SLC23A3: variants seen among roughly 807,000 people sequenced by gnomAD.
SLC23A3 encodes E2-binding protein 3.
SLC23A3 carries 41 observed loss-of-function variants against 64.7 expected under a neutral mutation model. The ratio of observed to expected loss-of-function variants is 0.63; its 90% CI spans 0.49 to 0.82. The LOEUF is 0.82. Ranked by LOEUF, SLC23A3 falls within the 40% of genes least tolerant of loss-of-function variation. The pLI, the probability that SLC23A3 is intolerant of heterozygous loss-of-function variation, is 0.00. For synonymous variants in SLC23A3, 281 were observed against 306.8 expected (o/e 0.92, Z 0.88); for missense variants, 647 against 733.4 (o/e 0.88, Z 1.36).
intron 9 of SLC23A3, 124 bp from the exon 10 acceptor site, chr2:219,163,679 T>C (rs1949972894): frequency 1.1e-6 from 1 of 905,570 alleles, no homozygotes; most frequent in Admixed American, 2.7e-5. Context: ...TGATTTTTGT[T>C]TTTTTTGTTT....
chr2:219,162,925 T>TG (rs1949964149), intron 10 of SLC23A3, among the ~76,000 whole-genome samples: 1 of 152,188 alleles, frequency 6.6e-6, no homozygotes, highest in Non-Finnish European at 1.5e-5. Flanking sequence ...GGGGGCAAAA[T>TG]CACCCAGTTG....
At position 219,170,000 on chromosome 2, in the gene SLC23A3, G is replaced by C; in HGVS notation, c.-16C>G. 6.2e-7 allele frequency: 1 copy of C among 1,612,832 alleles called. No individual in the cohort carries two copies. Among genetic ancestry groups the C allele is most frequent in the Non-Finnish European group, 8.5e-7 (1 of 1,179,612 alleles). On this transcript the variant is annotated 5_prime_UTR_variant, in exon 1 of 12. Coordinates refer to ENST00000409878, the MANE Select transcript of SLC23A3 (RefSeq NM_001144889.2). The surrounding 1 kb of genome is among the most constrained non-coding windows in gnomAD (Gnocchi z 4.5). ...ATCGGCTCATGCTGCCTTGCCTTTC[G>C]CTTTGTCTTGGCTGCCCGGGACCAG...
rs754943278 is a variant in SLC23A3 at position 219,169,944 on chromosome 2, A to G, written c.41T>C (p.Val14Ala). 1.4e-5 allele frequency: 22 copies of G among 1,614,034 alleles called. No individual in the cohort carries two copies. The highest frequency in any genetic ancestry group is 1.9e-5 in the Non-Finnish European group (22 of 1,179,974). ...SPLNPSQLRS[V>A]GSQDALAPLP... ...GGGGGCCAGGGCATCCTGGGAGCCC[A>G]CTGATCGGAGTTGGCTGGGATTGAG... is the stretch of plus-strand genomic sequence containing the variant. The change falls in exon 1 of 12, where the codon GTG becomes GCG. Residue 14 changes from valine to alanine, a missense_variant. By Grantham distance (64) the Val-to-Ala change is moderately conservative. Transcript: ENST00000409878. The surrounding 1 kb of genome is among the most constrained non-coding windows in gnomAD (Gnocchi z 4.5).
Position 219,161,916 on chromosome 2 carries a change from T to C in SLC23A3, c.1826A>G (p.Gln609Arg), listed in dbSNP as rs897375043. ...CAGAAGTAGGCGTTCTGGTCATTTC[T>C]GGGACCTAAACCCTTCTCTGCTAGA... ...PESSREGFRS[Q>R]K The change falls in exon 12 of 12, where the codon CAG (glutamine) becomes CGG (arginine). Residue 609 changes from glutamine (Q) to arginine (R), a missense_variant. Gln to Arg is a conservative substitution (Grantham distance 43). Transcript: ENST00000409878. 5.2e-6 allele frequency: 8 copies of C among 1,549,728 alleles called. No individual in the cohort carries two copies. Among genetic ancestry groups the C allele is most frequent in the Non-Finnish European group, 7.0e-6 (8 of 1,148,792 alleles).
Position 219,164,223 on chromosome 2 carries a change from A to G in SLC23A3, c.1273+10T>C. 1 of 1,580,242 alleles carries G rather than the reference A, an allele frequency of 6.3e-7. No individual in the cohort carries two copies. Among genetic ancestry groups the G allele is most frequent in the Non-Finnish European group, 8.7e-7 (1 of 1,154,396 alleles). ...AGTTCAATACCAGCCCTGTTGATAC[A>G]TCCACTCACCAACAACAGGCAGTGG... On this transcript the variant is annotated intron_variant, in intron 9 of 11. Coordinates refer to ENST00000409878, the MANE Select transcript of SLC23A3 (RefSeq NM_001144889.2).
At chr2:219,164,594 C>G (rs559618823) in intron 8 of SLC23A3, 8 of 385,714 alleles carry the variant, frequency 2.1e-5, no homozygotes, top group African/African-American at 1.7e-4. Flanking sequence ...GAGTCTCGCT[C>G]TGTCGCCCAG....
At chr2:219,168,869 T>C (rs1205409085) in intron 4 of SLC23A3, 36 bp from the exon 5 acceptor site, 2 of 1,565,858 alleles carry the variant, frequency 1.3e-6, no homozygotes, top group South Asian at 1.2e-5. Context: ...GAGAAAACAT[T>C]CTGCTCAATC....
Position 219,169,409 on chromosome 2 carries a change from G to A in SLC23A3, c.321-3C>T. 1 of 1,614,206 alleles carries A rather than the reference G, an allele frequency of 6.2e-7. No homozygotes were observed. Among genetic ancestry groups the A allele is most frequent in the Non-Finnish European group, 8.5e-7 (1 of 1,180,036 alleles). On this transcript the variant is annotated splice_region_variant and splice_polypyrimidine_tract_variant and intron_variant, in intron 2 of 11. Transcript: ENST00000409878. The surrounding 1 kb of genome is among the most constrained non-coding windows in gnomAD (Gnocchi z 4.5). The stretch of plus-strand genomic sequence containing the variant: ...ATGGAGCCTGGACAAGAGGCAGCCT[G>A]TAGGAACAGCAGCCCCAGCAGGTCT...
In SLC23A3 at chr2:219,164,268, G is replaced by A. The variant is rs1949982336; in HGVS notation, c.1238C>T (p.Ala413Val). 1.2e-6 allele frequency: 2 copies of A among 1,610,014 alleles called. No homozygotes were observed. Among genetic ancestry groups the A allele is most frequent in the Non-Finnish European group, 1.7e-6 (2 of 1,178,328 alleles). ...CVGLGLSPRL[A>V]QLLTTIPLPV... is the part of the protein sequence containing the mutation. ...CAGTGGGATGGTGGTGAGGAGCTGA[G>A]CCAACCTGGGGGAGAGTCCAAGCCC... Residue 413 changes from alanine to valine, a missense_variant, in exon 9 of 12, where the codon GCT (alanine) becomes GTT (valine). Transcript: ENST00000409878.
intron 8 of SLC23A3, 75 bp from the exon 9 acceptor site, chr2:219,164,413 TCTC>T (rs1303714581): frequency 1.0e-6 from 1 of 965,656 alleles, no homozygotes; most frequent in African/African-American, 1.6e-5. Flanking sequence ...ACTGGTTCCT[TCTC>T]ATCATTTGGA....
Position 219,162,381 on chromosome 2 carries a change from C to G in SLC23A3, c.1455G>C (p.Leu485Phe), listed in dbSNP as rs779754714. Residue 485 changes from leucine to phenylalanine, a missense_variant, in exon 11 of 12, where the codon TTG (leucine) becomes TTC (phenylalanine). Transcript: ENST00000409878. Reference sequence around the variant, plus strand: ...TCAGCAGTGAGTGCAGTAATACATCCAAGGGGCTCCAGCCTATGAAGAGTT... The same window carrying G: ...TCAGCAGTGAGTGCAGTAATACATCGAAGGGGCTCCAGCCTATGAAGAGTT... Reference protein sequence around the residue: ...PVLFSTGWSPLDVLLHSLLTQ... With the variant: ...PVLFSTGWSPFDVLLHSLLTQ... The G allele has an allele frequency of 2.0e-5, 32 of 1,613,626 alleles. 1 individual carries two copies. Among genetic ancestry groups the G allele is most frequent in the Non-Finnish European group, 2.6e-5 (31 of 1,179,810 alleles).
In SLC23A3 at chr2:219,169,561, A is replaced by G; in HGVS notation, c.280T>C (p.Cys94Arg). Reference sequence around the variant, plus strand: ...GTTTGCAGGATGGTAGACATACCACATGAAAAGAAGCTGGAGGCCAGGAGC... The same window carrying G: ...GTTTGCAGGATGGTAGACATACCACGTGAAAAGAAGCTGGAGGCCAGGAGC... ...SQLLASSFFS[C>R]GMSTILQTWM... Residue 94 changes from cysteine to arginine, a missense_variant, in exon 2 of 12, where the codon TGT (cysteine) becomes CGT (arginine). Cys to Arg is a radical substitution (Grantham distance 180, BLOSUM62 -3). Coordinates refer to ENST00000409878, the MANE Select transcript of SLC23A3 (RefSeq NM_001144889.2). The surrounding 1 kb of genome is among the most constrained non-coding windows in gnomAD (Gnocchi z 4.5). 2 of 1,614,162 alleles carry G rather than the reference A, an allele frequency of 1.2e-6. No individual in the cohort carries two copies.
At position 219,168,664 on chromosome 2, in the gene SLC23A3, C is replaced by T. The variant is rs1340211434; in HGVS notation, c.662G>A (p.Gly221Glu). Reference protein sequence around the residue: ...EVAQFCFTHWGLALLVILLMV... With the variant: ...EVAQFCFTHWELALLVILLMV... ...AGGACTCACGTACAGCAAGGCCAAC[C>T]CCCAGTGTGTGAAGCAGAACTGGGC... is the stretch of plus-strand genomic sequence containing the variant. Residue 221 changes from glycine (G) to glutamate (E), a missense_variant, in exon 5 of 12, where the codon GGG becomes GAG. By Grantham distance (98) the Gly-to-Glu change is moderately conservative. Coordinates refer to ENST00000409878, the MANE Select transcript of SLC23A3 (RefSeq NM_001144889.2). The T allele has an allele frequency of 1.9e-6, 3 of 1,613,844 alleles. No homozygotes were observed. The highest frequency in any genetic ancestry group is 2.2e-5 in the East Asian group (1 of 44,884).
chr2:219,167,192 G>T (rs1950012140), intron 7 of SLC23A3, among the ~76,000 whole-genome samples: 1 of 152,196 alleles, frequency 6.6e-6, no homozygotes, highest in Non-Finnish European at 1.5e-5. Context: ...CAAGGAGGTT[G>T]AGGCTGCAGT....
At chr2:219,165,101 G>A in intron 8 of SLC23A3, 68 bp downstream of exon 8, 1 of 1,522,812 alleles carries the variant, frequency 6.6e-7, no homozygotes, top group African/African-American at 1.4e-5. Flanking sequence ...ATCAATCGGT[G>A]TAAGTTCCTG....
Position 219,168,249 on chromosome 2 carries a change from C to T in SLC23A3, c.744G>A (p.Arg248=). 6.2e-7 allele frequency: 1 copy of T among 1,613,948 alleles called. No individual in the cohort carries two copies. Among genetic ancestry groups the T allele is most frequent in the Non-Finnish European group, 8.5e-7 (1 of 1,179,936 alleles). ...TGTGAGTTGATGACGTTGAAGCTCG[C>T]CTCCAGGGGCACACATGAAACTGGC... ...GSCQFHVCPW[R]RASTSSTHTP... Residue 248 remains arginine, a synonymous_variant, in exon 6 of 12, where the codon AGG becomes AGA. Transcript: ENST00000409878.
intron 10 of SLC23A3, among the ~76,000 whole-genome samples, chr2:219,162,734 C>T (rs1182225925): frequency 1.3e-5 from 2 of 152,204 alleles, no homozygotes; most frequent in Admixed American, 1.3e-4. Flanking sequence ...TTTTCAACCT[C>T]AGTCCTACTG....
Position 219,169,760 on chromosome 2 carries a change from T to C in SLC23A3, c.162+63A>G, listed in dbSNP as rs975868910. 1 of 1,609,982 alleles carries C rather than the reference T, an allele frequency of 6.2e-7. No homozygotes were observed. The highest frequency in any genetic ancestry group is 8.5e-7 in the Non-Finnish European group (1 of 1,178,044). On this transcript the variant is annotated intron_variant, in intron 1 of 11. Coordinates refer to ENST00000409878, the MANE Select transcript of SLC23A3 (RefSeq NM_001144889.2). The surrounding 1 kb of genome is among the most constrained non-coding windows in gnomAD (Gnocchi z 4.5). ...CTTCCAGAGGCTTTCACATGCCACA[T>C]CTACACCTACTTCCCCACACACACC...
chr2:219,166,138 A>G (rs1456327232), intron 7 of SLC23A3, among the ~76,000 whole-genome samples: 3 of 152,138 alleles, frequency 2.0e-5, no homozygotes, highest in Non-Finnish European at 2.9e-5. Flanking sequence ...ATTTCAAAAA[A>G]AAAAAAAAAA....
Sources: gnomAD v4.1 joint callset for allele counts (sites outside exome capture counted in the v4.1 genomes callset) on GRCh38, gnomAD v4.1.1 for gene constraint, Gnocchi (gnomAD v3.1) non-coding constraint, MANE v1.5 for transcripts, NCBI Gene and HGNC (gene_info 2026-07-23, HGNC 2026-07-21) for gene names.